Variants in IL17RB observed in about 807,000 individuals in gnomAD.
IL17RB encodes interleukin 17 receptor B.
Under a neutral mutation model 43.9 loss-of-function variants are expected in IL17RB, and 36 were observed. The ratio of observed to expected loss-of-function variants is 0.82; its 90% CI spans 0.63 to 1.08. The LOEUF is 1.08. IL17RB is among the 50% of genes least tolerant of loss of function. IL17RB has a pLI of 0.00. For missense variants in IL17RB, 613 were observed against 613.6 expected (o/e 1.00, Z 0.01); for synonymous variants, 225 against 225.4 (o/e 1.00, Z 0.02).
intron 6 of IL17RB, among the ~76,000 whole-genome samples, chr3:53,856,230 T>C (rs1699328452): frequency 6.6e-6 from 1 of 152,230 alleles, no homozygotes; most frequent in South Asian, 2.1e-4. Flanking sequence ...GAAGATAATT[T>C]CTGCTGTTAT....
In IL17RB at chr3:53,865,350, C is replaced by T; in HGVS notation, c.*42C>T. ...AAGAGACCTTAAAGGCTTCCTATCCCACCAATTACAGGGAAAAAACGTGTG... is the reference window on the plus strand; with the variant it reads ...AAGAGACCTTAAAGGCTTCCTATCCTACCAATTACAGGGAAAAAACGTGTG... On this transcript the variant is annotated 3_prime_UTR_variant, in exon 11 of 11. Coordinates refer to ENST00000288167, the MANE Select transcript of IL17RB (RefSeq NM_018725.4). 1 of 1,478,128 alleles carries T rather than the reference C, an allele frequency of 6.8e-7. No individual in the cohort carries two copies. Among genetic ancestry groups the T allele is most frequent in the East Asian group, 2.3e-5 (1 of 43,782 alleles). 91.6% of individuals were successfully genotyped at this position (1,478,128 alleles called of 1,614,324 possible).
At chr3:53,853,143 A>G (rs942446886) in intron 5 of IL17RB, 146 bp downstream of exon 5, 4 of 909,236 alleles carry the variant, frequency 4.4e-6, no homozygotes, top group Admixed American at 4.3e-5. Context: ...ACACAGTAGT[A>G]ACCATACTTT....
rs199531636 is a variant in IL17RB at position 53,852,008 on chromosome 3, G to A, written c.236G>A (p.Arg79His). Reference protein sequence around the residue: ...SWVLRADASIRLLKATKICVT... With the variant: ...SWVLRADASIHLLKATKICVT... ...TTGCCTATCTCGGCAGCCAGCATCC[G>A]CTTGTTGAAGGCCACCAAGATTTGT... The change falls in exon 4 of 11, where the codon CGC becomes CAC. Residue 79 changes from arginine to histidine, a missense_variant. Coordinates refer to ENST00000288167, the MANE Select transcript of IL17RB (RefSeq NM_018725.4). 1.1e-4 allele frequency: 172 copies of A among 1,614,114 alleles called. 1 individual carries two copies. In the Middle Eastern group the frequency reaches 1.3e-3, roughly 12 times the overall value.
intron 5 of IL17RB, among the ~76,000 whole-genome samples, chr3:53,853,991 G>A (rs1699247590): frequency 1.3e-5 from 2 of 152,030 alleles, no homozygotes; most frequent in Non-Finnish European, 2.9e-5. Context: ...CCGCCTCTTG[G>A]ATTTAAGTGA....
chr3:53,858,821 A>T lies in IL17RB; in HGVS notation c.847+3A>T. 6.2e-7 allele frequency: 1 copy of T among 1,610,110 alleles called. No individual in the cohort carries two copies. The highest frequency in any genetic ancestry group is 8.5e-7 in the Non-Finnish European group (1 of 1,176,372). On this transcript the variant is annotated splice_donor_region_variant and intron_variant, in intron 9 of 10. Coordinates refer to ENST00000288167, the MANE Select transcript of IL17RB (RefSeq NM_018725.4). ...CGTCCCTTTCCCTCTGGATAACAGT[A>T]AGTGCCCAGTAACTTCAACCAGATG...
chr3:53,862,835 A>G (rs1458041426), intron 10 of IL17RB, among the ~76,000 whole-genome samples: 1 of 152,244 alleles, frequency 6.6e-6, no homozygotes, highest in African/African-American at 2.4e-5. Context: ...GGTACCATAT[A>G]CAAATATTTT....
chr3:53,864,500 A>G (rs919153997), intron 10 of IL17RB, among the ~76,000 whole-genome samples: 1 of 151,964 alleles, frequency 6.6e-6, no homozygotes, highest in Non-Finnish European at 1.5e-5. Context: ...ACGCCACTGC[A>G]CTCCAGCCTG....
intron 10 of IL17RB, among the ~76,000 whole-genome samples, chr3:53,863,115 TTATTA>T (rs1246439271): frequency 2.0e-5 from 3 of 152,244 alleles, no homozygotes; most frequent in African/African-American, 7.2e-5. Flanking sequence ...CTAGCTTACT[TTATTA>T]TAATACAGCA....
chr3:53,856,799 G>T, intron 6 of IL17RB, 45 bp from the exon 7 acceptor site: 2 of 1,609,058 alleles, frequency 1.2e-6, no homozygotes, highest in South Asian at 2.2e-5. Context: ...TTAAATGAGG[G>T]AAGAGTTAGC....
At chr3:53,850,800 CAAAATAAAAT>C (rs59205078) in intron 3 of IL17RB, among the ~76,000 whole-genome samples, 3,445 of 150,024 alleles carry the variant, frequency 0.023, 137 homozygotes, top group African/African-American at 0.08. Context: ...GAGACTGTCT[CAAAATAAAAT>C]AAAATAAAAT....
In IL17RB at chr3:53,849,744, A is replaced by G; in HGVS notation, c.175A>G (p.Thr59Ala). 1 of 1,612,950 alleles carries G rather than the reference A, an allele frequency of 6.2e-7. No homozygotes were observed. Among genetic ancestry groups the G allele is most frequent in the Non-Finnish European group, 8.5e-7 (1 of 1,179,390 alleles). ...RVEPVTTSVA[T>A]GDYSILMNVS... ...AGAACCTGTTACAACTAGTGTTGCAACAGGGGACTATTCAATTTTGATGAA... is the reference window on the plus strand; with the variant it reads ...AGAACCTGTTACAACTAGTGTTGCAGCAGGGGACTATTCAATTTTGATGAA... Residue 59 changes from threonine to alanine, a missense_variant, in exon 3 of 11, where the codon ACA becomes GCA. Physicochemically the swap from Thr to Ala is moderately conservative, Grantham distance 58 (BLOSUM62 0). Coordinates refer to ENST00000288167, the MANE Select transcript of IL17RB (RefSeq NM_018725.4).
chr3:53,858,278 G>C, intron 8 of IL17RB: 1 of 912,298 alleles, frequency 1.1e-6, no homozygotes, highest in Non-Finnish European at 1.3e-6. Context: ...CACACCAGAG[G>C]GGGCAGGCAC....
chr3:53,851,986 C>G lies in IL17RB; in HGVS notation c.227-13C>G. 8 of 1,614,006 alleles carry G rather than the reference C, an allele frequency of 5.0e-6. No individual in the cohort carries two copies. Among genetic ancestry groups the G allele is most frequent in the Non-Finnish European group, 6.8e-6 (8 of 1,179,960 alleles). On this transcript the variant is annotated splice_polypyrimidine_tract_variant and intron_variant, in intron 3 of 10. Transcript: ENST00000288167. Reference sequence around the variant, plus strand: ...TGCTAAATAAACCAATGTCCTCTTGCCTATCTCGGCAGCCAGCATCCGCTT... The same window carrying G: ...TGCTAAATAAACCAATGTCCTCTTGGCTATCTCGGCAGCCAGCATCCGCTT...
chr3:53,864,841 A>G lies in IL17RB; in HGVS notation c.1042A>G (p.Ile348Val). The change falls in exon 11 of 11, where the codon ATT becomes GTT. Residue 348 changes from isoleucine to valine, a missense_variant. By Grantham distance (29) the Ile-to-Val change is conservative. Coordinates refer to ENST00000288167, the MANE Select transcript of IL17RB (RefSeq NM_018725.4). ...ATCTGAAATATGTTTCCATCACACA[A>G]TTTGTTACTTCACTGAATTTCTTCA... ...YPSEICFHHT[I>V]CYFTEFLQNH... The G allele has an allele frequency of 6.2e-7, 1 of 1,614,156 alleles. No individual in the cohort carries two copies. The highest frequency in any genetic ancestry group is 8.5e-7 in the Non-Finnish European group (1 of 1,179,994).
At position 53,856,424 on chromosome 3, in the gene IL17RB, A is replaced by G. The variant is rs554320178; in HGVS notation, c.530-420A>G. On this transcript the variant is annotated intron_variant, in intron 6 of 10. Coordinates refer to ENST00000288167, the MANE Select transcript of IL17RB (RefSeq NM_018725.4). The stretch of plus-strand genomic sequence containing the variant: ...GATGGATGAAGCTCCTGGAACACAA[A>G]ATATTCTAGTGGTTGTAGTCCTGAT... Among the ~76,000 whole-genome samples, 20 of 152,312 alleles carry G rather than the reference A, an allele frequency of 1.3e-4. No homozygotes were observed. In the South Asian group the frequency reaches 3.5e-3, roughly 27 times the overall value.
At position 53,865,476 on chromosome 3, in the gene IL17RB, C is replaced by CT. The variant is rs1334645448; in HGVS notation, c.*169dup. On this transcript the variant is annotated 3_prime_UTR_variant, in exon 11 of 11. Coordinates refer to ENST00000288167, the MANE Select transcript of IL17RB (RefSeq NM_018725.4). ...ATATTGCTAACTAATGTAGCATTAA[C>CT]TAACGATTGGAAACTACATTTACAA... 1.8e-5 allele frequency: 10 copies of CT among 552,848 alleles called. No individual in the cohort carries two copies. Among genetic ancestry groups the CT allele is most frequent in the Non-Finnish European group, 3.1e-5 (10 of 319,018 alleles). 34.2% of individuals were successfully genotyped at this position (552,848 alleles called of 1,614,324 possible). A position where few individuals can be genotyped will look rare whatever the true frequency, so the allele number is the denominator to read the frequency against.
chr3:53,853,884 AT>A (rs1699244148), intron 5 of IL17RB, among the ~76,000 whole-genome samples: 1 of 151,670 alleles, frequency 6.6e-6, no homozygotes, highest in Non-Finnish European at 1.5e-5. Flanking sequence ...GAATTCTTTT[AT>A]TTTATTATTT....
At chr3:53,857,034 G>T (rs746284165) in intron 7 of IL17RB, 48 bp downstream of exon 7, 4 of 1,595,934 alleles carry the variant, frequency 2.5e-6, no homozygotes, top group Non-Finnish European at 3.4e-6. Context: ...GCTTTCCTTA[G>T]TGTGTTGAAG....
intron 6 of IL17RB, among the ~76,000 whole-genome samples, chr3:53,855,814 G>A (rs1401419540): frequency 1.3e-5 from 2 of 152,138 alleles, no homozygotes; most frequent in Admixed American, 6.5e-5. Flanking sequence ...CCACAATTAC[G>A]CTCTCAATTT....
Sources: gnomAD v4.1 joint callset for allele counts (sites outside exome capture counted in the v4.1 genomes callset) on GRCh38, gnomAD v4.1.1 for gene constraint, MANE v1.5 for transcripts, NCBI Gene and HGNC (gene_info 2026-07-23, HGNC 2026-07-21) for gene names.